The following SLIT3 variants were observed in gnomAD, a reference collection of about 807,000 sequenced individuals.
SLIT3 encodes slit homolog 3 protein.
In SLIT3, 68 loss-of-function variants were observed where a neutral mutation model predicts 184.0. That is an observed-to-expected ratio of 0.37 (90% confidence interval 0.30 to 0.45). The LOEUF (loss-of-function observed/expected upper bound fraction) is 0.45. Among genes scored for constraint, SLIT3 ranks in the 20% least tolerant of loss-of-function variants. The pLI is 1.00. For missense variants in SLIT3, 1,707 were observed against 2,026.0 expected (o/e 0.84, Z 3.02); for synonymous variants, 831 against 828.6 (o/e 1.00, Z -0.05).
chr5:169,255,117 A>G (rs1765904736), intron 1 of SLIT3, among the ~76,000 whole-genome samples: 2 of 152,220 alleles, frequency 1.3e-5, no homozygotes, highest in African/African-American at 4.8e-5. Flanking sequence ...AGTTGTATGC[A>G]AGTACAGCAC....
At position 168,671,283 on chromosome 5, in the gene SLIT3, T is replaced by C; in HGVS notation, c.4042A>G (p.Lys1348Glu). The C allele has an allele frequency of 6.2e-7, 1 of 1,613,678 alleles. No individual in the cohort carries two copies. The highest frequency in any genetic ancestry group is 8.5e-7 in the Non-Finnish European group (1 of 1,179,892). ...CGGCACTCGCACACCACGCTGTCCT[T>C]CTCCACGGAGCGGCACAGGCCGTGC... ...CKHGLCRSVE[K>E]DSVVCECRPG... Residue 1348 changes from lysine (K) to glutamate (E), a missense_variant, in exon 34 of 36, where the codon AAG (lysine) becomes GAG (glutamate). By Grantham distance (56) the Lys-to-Glu change is moderately conservative. Coordinates refer to ENST00000519560, the MANE Select transcript of SLIT3 (RefSeq NM_003062.4).
At chr5:168,991,010 T>C (rs1435232656) in intron 4 of SLIT3, among the ~76,000 whole-genome samples, 3 of 152,184 alleles carry the variant, frequency 2.0e-5, no homozygotes, top group Non-Finnish European at 2.9e-5. Context: ...ATCTTCATTC[T>C]GTGAAGGGGG....
chr5:168,687,131 G>GAGGCAAGGCCGTTCCTCA lies in SLIT3; in HGVS notation c.3177-33_3177-16dup. 6.2e-7 allele frequency: 1 copy of GAGGCAAGGCCGTTCCTCA among 1,611,496 alleles called. No homozygotes were observed. The highest frequency in any genetic ancestry group is 1.3e-5 in the African/African-American group (1 of 75,024). On this transcript the variant is annotated splice_polypyrimidine_tract_variant and intron_variant, in intron 29 of 35. Transcript: ENST00000519560. ...CACACTCGCAGCTGGAACATAGGCA[G>GAGGCAAGGCCGTTCCTCA]AGGCAAGGCCGTTCCTCAAGGCAAA...
At chr5:168,875,257 A>G (rs112804024) in intron 5 of SLIT3, among the ~76,000 whole-genome samples, 23 of 150,582 alleles carry the variant, frequency 1.5e-4, no homozygotes, top group African/African-American at 5.6e-4. Context: ...GAGAGGGAAG[A>G]AGAGAGTGAG....
chr5:168,893,969 A>G (rs1382676647), intron 4 of SLIT3, among the ~76,000 whole-genome samples: 2 of 152,082 alleles, frequency 1.3e-5, no homozygotes, highest in African/African-American at 4.8e-5. Context: ...ATTCTCAGTT[A>G]CCACTTGGGC....
chr5:168,755,863 C>A (rs901016934), intron 16 of SLIT3, among the ~76,000 whole-genome samples: 1 of 152,148 alleles, frequency 6.6e-6, no homozygotes, highest in African/African-American at 2.4e-5. Flanking sequence ...GAGCCATTAG[C>A]ACTGCGAGTT....
rs2113150566 is a variant in SLIT3 at position 168,666,344 on chromosome 5, CT to C, written c.*109del. 13 of 1,026,782 alleles carry C rather than the reference CT, an allele frequency of 1.3e-5. No homozygotes were observed. In the South Asian group the frequency reaches 2.4e-4, roughly 19 times the overall value. The allele number at this position is 1,026,782 out of a possible 1,614,324, so 63.6% of individuals were successfully genotyped here. A position where few individuals can be genotyped will look rare whatever the true frequency, so the allele number is the denominator to read the frequency against. ...TACTTAATATTCTCTTCTTCTTTAC[CT>C]TCCTCTCCAGCTTCATTTCCTTCAT... On this transcript the variant is annotated 3_prime_UTR_variant, in exon 36 of 36. Transcript: ENST00000519560.
At chr5:168,744,329 C>G (rs1436926815) in intron 20 of SLIT3, among the ~76,000 whole-genome samples, 2 of 152,150 alleles carry the variant, frequency 1.3e-5, no homozygotes, top group South Asian at 2.1e-4. Flanking sequence ...ATCTTCATAA[C>G]AGGAAAGTGT....
chr5:168,704,799 G>A (rs907203913), intron 26 of SLIT3, among the ~76,000 whole-genome samples: 2 of 152,164 alleles, frequency 1.3e-5, no homozygotes, highest in Non-Finnish European at 2.9e-5. Context: ...CCTGGAAAGA[G>A]GTAAATGCCT....
intron 4 of SLIT3, among the ~76,000 whole-genome samples, chr5:169,152,377 C>T (rs1201410600): frequency 1.3e-5 from 2 of 152,252 alleles, no homozygotes; most frequent in Non-Finnish European, 2.9e-5. Context: ...TCAGCTTCTG[C>T]AGGTGTCCCG....
At chr5:168,805,195 T>C (rs1050464912) in intron 9 of SLIT3, among the ~76,000 whole-genome samples, 3 of 152,038 alleles carry the variant, frequency 2.0e-5, no homozygotes, top group African/African-American at 7.3e-5. Flanking sequence ...CACAGAACAA[T>C]GACAGGAAAA....
At chr5:169,098,261 C>T (rs145760425) in intron 4 of SLIT3, among the ~76,000 whole-genome samples, 15 of 152,236 alleles carry the variant, frequency 9.9e-5, no homozygotes, top group Admixed American at 5.9e-4. Context: ...ATAAAAAGAA[C>T]GTCATCCCTT....
At chr5:169,155,150 C>G (rs1374427704) in intron 4 of SLIT3, among the ~76,000 whole-genome samples, 1 of 152,160 alleles carries the variant, frequency 6.6e-6, no homozygotes, top group African/African-American at 2.4e-5. Flanking sequence ...AGTGTTTGAG[C>G]CAATCAACCC....
intron 4 of SLIT3, among the ~76,000 whole-genome samples, chr5:168,927,585 A>T (rs899767698): frequency 6.6e-6 from 1 of 152,174 alleles, no homozygotes; most frequent in Non-Finnish European, 1.5e-5. Context: ...AACACCGGAG[A>T]CCCCTGGGAT....
intron 4 of SLIT3, among the ~76,000 whole-genome samples, chr5:168,940,390 G>T (rs1390029015): frequency 1.3e-5 from 2 of 152,084 alleles, no homozygotes; most frequent in East Asian, 3.8e-4. Context: ...CAACAGTTAA[G>T]AAGAACCACA....
chr5:169,075,208 T>C (rs1394418723), intron 4 of SLIT3, among the ~76,000 whole-genome samples: 1 of 152,162 alleles, frequency 6.6e-6, no homozygotes, highest in East Asian at 1.9e-4. Context: ...ATGGTGGGGT[T>C]TGACATTTTA....
intron 4 of SLIT3, among the ~76,000 whole-genome samples, chr5:169,020,796 G>A (rs143667252): frequency 8.0e-4 from 122 of 152,286 alleles, no homozygotes; most frequent in South Asian, 5.6e-3. Flanking sequence ...GACAGTGGTC[G>A]CGGAAACTAC....
At chr5:169,197,524 C>T (rs911331229) in intron 3 of SLIT3, among the ~76,000 whole-genome samples, 5 of 152,100 alleles carry the variant, frequency 3.3e-5, no homozygotes, top group Non-Finnish European at 7.3e-5. Flanking sequence ...AGGTAAGTGC[C>T]GGGTGCAGAC....
intron 4 of SLIT3, among the ~76,000 whole-genome samples, chr5:168,972,361 G>GTA (rs1754608044): frequency 6.6e-6 from 1 of 151,150 alleles, no homozygotes; most frequent in Non-Finnish European, 1.5e-5. Context: ...GTGTGTGTGT[G>GTA]TGTGTGTGTG....
Sources: allele counts gnomAD v4.1 joint callset (sites outside exome capture counted in the v4.1 genomes callset), GRCh38; gene constraint gnomAD v4.1.1; transcripts MANE v1.5; gene names NCBI Gene and HGNC (gene_info 2026-07-23, HGNC 2026-07-21).